RBM25: variants seen among roughly 807,000 people sequenced by gnomAD.
RBM25 encodes RNA-binding protein 25.
A neutral mutation model predicts 120.7 loss-of-function variants in RBM25; 19 were observed. The ratio of observed to expected loss-of-function variants is 0.16; its 90% CI spans 0.11 to 0.23. The LOEUF (loss-of-function observed/expected upper bound fraction) is 0.23, where lower values mean the gene tolerates loss of function less well. Among genes scored for constraint, RBM25 ranks in the 10% least tolerant of loss-of-function variants. The pLI is 1.00. For missense variants in RBM25, 605 were observed against 1,041.5 expected (o/e 0.58, Z 5.77); for synonymous variants, 390 against 326.7 (o/e 1.19, Z -2.09).
At chr14:73,109,863 G>A (rs1896271556) in intron 14 of RBM25, among the ~76,000 whole-genome samples, 1 of 151,966 alleles carries the variant, frequency 6.6e-6, no homozygotes, top group South Asian at 2.1e-4. Flanking sequence ...ACCTCGCCTG[G>A]CTAATTTTTG....
chr14:73,101,975 T>C (rs575435026), intron 9 of RBM25: 2 of 152,408 alleles, frequency 1.3e-5, no homozygotes, highest in South Asian at 2.1e-4. Flanking sequence ...TCTACTTCGA[T>C]ATAGACTGGC....
intron 17 of RBM25, among the ~76,000 whole-genome samples, chr14:73,113,626 G>T (rs1896362333): frequency 6.6e-6 from 1 of 151,968 alleles, no homozygotes; most frequent in Admixed American, 6.5e-5. Flanking sequence ...GGGAGGCGGA[G>T]GTTGAAGTGA....
intron 14 of RBM25, 89 bp from the exon 15 acceptor site, chr14:73,110,742 T>A (rs2140462198): frequency 6.8e-7 from 1 of 1,471,324 alleles, no homozygotes; most frequent in Non-Finnish European, 9.1e-7. Context: ...TCTCTTTTCA[T>A]AAAGATATTT....
intron 1 of RBM25, chr14:73,068,043 C>T (rs541156806): frequency 3.5e-4 from 146 of 421,222 alleles, no homozygotes; most frequent in Middle Eastern, 1.9e-3. Flanking sequence ...TGGGGTGCAG[C>T]GCACACTGGT....
At chr14:73,106,807 A>ATAT (rs1378812147) in intron 12 of RBM25, among the ~76,000 whole-genome samples, 1 of 151,800 alleles carries the variant, frequency 6.6e-6, no homozygotes, top group African/African-American at 2.4e-5. Flanking sequence ...ACATATACAC[A>ATAT]TATACATACA....
At chr14:73,085,459 T>A (rs1235300710) in intron 5 of RBM25, among the ~76,000 whole-genome samples, 1 of 149,118 alleles carries the variant, frequency 6.7e-6, no homozygotes, top group Non-Finnish European at 1.5e-5. Context: ...TTGTTGTTCT[T>A]GAGATGGAGT....
chr14:73,059,660 G>A (rs938458660), intron 1 of RBM25, among the ~76,000 whole-genome samples: 1 of 152,134 alleles, frequency 6.6e-6, no homozygotes, highest in Non-Finnish European at 1.5e-5. Flanking sequence ...AATAATTTTT[G>A]TATAGTCTTT....
chr14:73,095,301 ACAGTATG>A (rs1304911012), intron 6 of RBM25, among the ~76,000 whole-genome samples: 3 of 149,430 alleles, frequency 2.0e-5, no homozygotes, highest in Non-Finnish European at 4.4e-5. Context: ...CATCTTTCTC[ACAGTATG>A]CTCTTAAGAA....
In RBM25 at chr14:73,078,846, C is replaced by G. The variant is rs139052271; in HGVS notation, c.324+1310C>G. 8.9e-4 allele frequency among the ~76,000 whole-genome samples: 136 copies of G among 152,246 alleles called. 1 individual carries two copies. In the South Asian group the frequency reaches 0.012, roughly 13 times the overall value. On this transcript the variant is annotated intron_variant, in intron 4 of 18. Transcript: ENST00000261973. ...CTTGAACTCCTGGCCTCAAGCAAAC[C>G]GCCTGCGTTGGCTTTCCAAAGTGTT...
chr14:73,096,531 T>C (rs1016984162), intron 6 of RBM25, among the ~76,000 whole-genome samples: 1 of 152,218 alleles, frequency 6.6e-6, no homozygotes, highest in Non-Finnish European at 1.5e-5. Context: ...CACAATTAAC[T>C]TAAAATTGTA....
intron 1 of RBM25, among the ~76,000 whole-genome samples, chr14:73,070,501 T>C (rs1010396121): frequency 6.6e-6 from 1 of 152,152 alleles, no homozygotes; most frequent in Non-Finnish European, 1.5e-5. Context: ...CTCTTTATAT[T>C]TGAATGGTTA....
intron 18 of RBM25, 67 bp downstream of exon 18, chr14:73,114,400 A>G: frequency 4.2e-6 from 5 of 1,204,170 alleles, no homozygotes; most frequent in Non-Finnish European, 5.9e-6. Flanking sequence ...TTTTTGTCTT[A>G]AAATATAGAT....
chr14:73,109,489 G>A lies in RBM25; in HGVS notation c.1689G>A (p.Gln563=). ...EGHPDPDAEL[Q]RMEQEAERRR... is the part of the protein sequence containing the mutation. ...ATCCAGATCCAGATGCAGAGCTCCA[G>A]AGGGTAAGATACTGTACCATCTGGT... The change falls in exon 14 of 19, where the codon CAG becomes CAA. Residue 563 remains glutamine, a synonymous_variant. Transcript: ENST00000261973. 6.2e-7 allele frequency: 1 copy of A among 1,613,968 alleles called. No individual in the cohort carries two copies. Among genetic ancestry groups the A allele is most frequent in the Non-Finnish European group, 8.5e-7 (1 of 1,179,876 alleles).
At chr14:73,096,266 T>A (rs1002491178) in intron 6 of RBM25, among the ~76,000 whole-genome samples, 25 of 152,246 alleles carry the variant, frequency 1.6e-4, no homozygotes, top group African/African-American at 5.3e-4. Context: ...AGTGAGCCAC[T>A]GCGCCTGGCC....
chr14:73,068,387 ATT>A (rs34314453), intron 1 of RBM25: 8,752 of 464,676 alleles, frequency 0.019, no homozygotes, highest in Middle Eastern at 0.024. Context: ...CTTGTATTTG[ATT>A]TTTTTTTTTT....
intron 6 of RBM25, among the ~76,000 whole-genome samples, chr14:73,096,612 CA>C (rs1207819488): frequency 6.6e-6 from 1 of 152,072 alleles, no homozygotes; most frequent in African/African-American, 2.4e-5. Context: ...ACCTATTGAG[CA>C]AAACAGTCTG....
At chr14:73,074,310 C>G (rs993709219) in intron 2 of RBM25, among the ~76,000 whole-genome samples, 1 of 152,114 alleles carries the variant, frequency 6.6e-6, no homozygotes, top group African/African-American at 2.4e-5. Context: ...GCCTCTATCT[C>G]CTGGACTCAA....
rs1248619847 is a variant in RBM25, at chr14:73,121,542, A to G, written c.*1737A>G. 2.6e-5 allele frequency: 4 copies of G among 152,188 alleles called. No individual in the cohort carries two copies. The highest frequency in any genetic ancestry group is 5.9e-5 in the Non-Finnish European group (4 of 68,026). 9.4% of individuals were successfully genotyped at this position (152,188 alleles called of 1,614,324 possible). A position where few individuals can be genotyped will look rare whatever the true frequency, so the allele number is the denominator to read the frequency against. Reference sequence around the variant, plus strand: ...TTTAAATTCTGGTTTCTCAACGGAAAATTTCAGAAAAGATGCCCCTTGCCA... The same window carrying G: ...TTTAAATTCTGGTTTCTCAACGGAAGATTTCAGAAAAGATGCCCCTTGCCA... On this transcript the variant is annotated 3_prime_UTR_variant, in exon 19 of 19. Transcript: ENST00000261973.
intron 12 of RBM25, among the ~76,000 whole-genome samples, chr14:73,106,632 CGTA>C (rs1896194565): frequency 6.6e-6 from 1 of 151,758 alleles, no homozygotes; most frequent in Non-Finnish European, 1.5e-5. Context: ...TTTGAAATTC[CGTA>C]AGTTAAGAGA....
Sources: allele counts gnomAD v4.1 joint callset (sites outside exome capture counted in the v4.1 genomes callset), GRCh38; gene constraint gnomAD v4.1.1; transcripts MANE v1.5; gene names NCBI Gene and HGNC (gene_info 2026-07-23, HGNC 2026-07-21).